PRKN: variants seen among roughly 807,000 people sequenced by gnomAD.
The protein encoded by PRKN is E3 ubiquitin-protein ligase parkin.
Under a neutral mutation model 59.5 loss-of-function variants are expected in PRKN, and 56 were observed. The observed-to-expected ratio is 0.94, with a 90% confidence interval of 0.76 to 1.18. The LOEUF is 1.18. PRKN is among the 50% of genes most tolerant of loss of function. The pLI, the probability that PRKN is intolerant of heterozygous loss-of-function variation, is 0.00. For missense variants in PRKN, 657 were observed against 596.4 expected (o/e 1.10, Z -1.06); for synonymous variants, 250 against 222.1 (o/e 1.13, Z -1.12).
intron 1 of PRKN, among the ~76,000 whole-genome samples, chr6:162,586,845 T>C (rs1446848636): frequency 6.6e-6 from 1 of 152,170 alleles, no homozygotes; most frequent in Non-Finnish European, 1.5e-5. Flanking sequence ...AGACACTTGT[T>C]CTTGATTATT....
At chr6:162,407,276 AG>A (rs1788119732) in intron 2 of PRKN, among the ~76,000 whole-genome samples, 1 of 152,208 alleles carries the variant, frequency 6.6e-6, no homozygotes, top group Admixed American at 6.5e-5. Context: ...AACATTGTCC[AG>A]GGAAACTGTT....
chr6:162,543,234 A>C (rs916393263), intron 1 of PRKN, among the ~76,000 whole-genome samples: 8 of 152,162 alleles, frequency 5.3e-5, no homozygotes, highest in Admixed American at 3.3e-4. Context: ...TGAGATTGAC[A>C]TATTAAGCCA....
Position 162,606,720 on chromosome 6 carries a change from G to C in PRKN, c.7+120942C>G, listed in dbSNP as rs957391485. Among the ~76,000 whole-genome samples, 58 of 151,982 alleles carry C rather than the reference G, an allele frequency of 3.8e-4. 3 individuals are homozygous for C. The highest frequency in any genetic ancestry group is 2.9e-5 in the Non-Finnish European group (2 of 67,954). On this transcript the variant is annotated intron_variant, in intron 1 of 11. Transcript: ENST00000366898. ...CCCAGGTGAACAGTTGAGCAGTATA[G>C]TTATTTATTATTTTTTGAGACAGTC...
At chr6:161,432,466 G>A (rs943861719) in intron 9 of PRKN, among the ~76,000 whole-genome samples, 5 of 147,464 alleles carry the variant, frequency 3.4e-5, no homozygotes, top group Admixed American at 6.8e-5. Flanking sequence ...GGGTTCAAGC[G>A]ATTCTCCTGC....
chr6:161,736,603 T>C (rs531855186), intron 7 of PRKN, among the ~76,000 whole-genome samples: 2 of 152,222 alleles, frequency 1.3e-5, no homozygotes, highest in East Asian at 1.9e-4. Flanking sequence ...TCAACCAGGA[T>C]TGTTGGAAGG....
chr6:162,404,581 T>A (rs765051190), intron 2 of PRKN, among the ~76,000 whole-genome samples: 6 of 151,894 alleles, frequency 4.0e-5, no homozygotes, highest in Non-Finnish European at 8.8e-5. Flanking sequence ...TTTGTTTGTT[T>A]CACTCTTGTT....
chr6:161,713,740 G>A (rs1293662418), intron 7 of PRKN, among the ~76,000 whole-genome samples: 8 of 152,138 alleles, frequency 5.3e-5, no homozygotes, highest in East Asian at 1.9e-4. Flanking sequence ...TTGTAACACC[G>A]TGGTATGGTT....
chr6:162,029,630 T>C (rs1783564778), intron 5 of PRKN, among the ~76,000 whole-genome samples: 4 of 152,344 alleles, frequency 2.6e-5, no homozygotes, highest in Middle Eastern at 3.4e-3. Context: ...TGCTGGGATT[T>C]TGCCTCATCC....
intron 2 of PRKN, among the ~76,000 whole-genome samples, chr6:162,307,401 A>T (rs1020648550): frequency 6.8e-5 from 9 of 132,698 alleles, no homozygotes; most frequent in South Asian, 2.4e-4. Context: ...CCGTCTCAAT[A>T]AAAAAAAAAA....
chr6:162,338,554 C>T (rs1454574588), intron 2 of PRKN, among the ~76,000 whole-genome samples: 1 of 152,208 alleles, frequency 6.6e-6, no homozygotes, highest in South Asian at 2.1e-4. Context: ...TCACTCAGTG[C>T]TCAATGGTGC....
intron 7 of PRKN, among the ~76,000 whole-genome samples, chr6:161,701,768 T>A (rs1003185822): frequency 3.9e-5 from 6 of 152,206 alleles, no homozygotes; most frequent in Non-Finnish European, 7.3e-5. Context: ...TAGAAATTAG[T>A]ATTTCAAGAG....
At chr6:162,688,726 C>T (rs1462983069) in intron 1 of PRKN, among the ~76,000 whole-genome samples, 5 of 152,162 alleles carry the variant, frequency 3.3e-5, no homozygotes, top group African/African-American at 7.2e-5. Flanking sequence ...AAAACAATTG[C>T]TTCTCCAGTA....
intron 6 of PRKN, among the ~76,000 whole-genome samples, chr6:161,962,803 G>T (rs918712387): frequency 6.6e-6 from 1 of 151,762 alleles, no homozygotes; most frequent in African/African-American, 2.4e-5. Flanking sequence ...CCAAAGTGCT[G>T]GGATTACAGG....
At chr6:162,081,698 A>G (rs1011639261) in intron 4 of PRKN, among the ~76,000 whole-genome samples, 1 of 152,090 alleles carries the variant, frequency 6.6e-6, no homozygotes, top group African/African-American at 2.4e-5. Flanking sequence ...ACTTAAAGTC[A>G]CCCACTGCAT....
chr6:162,720,438 C>CTTTTTTT (rs148313968), intron 1 of PRKN, among the ~76,000 whole-genome samples: 1 of 90,106 alleles, frequency 1.1e-5, no homozygotes, highest in Admixed American at 1.3e-4. Flanking sequence ...CATAGATGGT[C>CTTTTTTT]TTTTTTTTTT....
At position 161,552,477 on chromosome 6, in the gene PRKN, A is replaced by T. The variant is rs1780062410; in HGVS notation, c.934-3474T>A. 1.4e-5 allele frequency among the ~76,000 whole-genome samples: 2 copies of T among 143,122 alleles called. No homozygotes were observed. Among genetic ancestry groups the T allele is most frequent in the African/African-American group, 5.3e-5 (2 of 37,700 alleles). The allele number at this position is 143,122 out of a possible 152,430, so 93.9% of individuals were successfully genotyped here. On this transcript the variant is annotated intron_variant, in intron 8 of 11. Coordinates refer to ENST00000366898, the MANE Select transcript of PRKN (RefSeq NM_004562.3). This position sits in a 1 kb window ranked among gnomAD's most constrained non-coding sequence, Gnocchi z 4.9. ...TCACCTCCGCCTATGACTGTGAATG[A>T]TCTCACGGTGATCCTCCAAGCCCCT...
At chr6:161,725,474 T>C (rs879902255) in intron 7 of PRKN, among the ~76,000 whole-genome samples, 10 of 152,204 alleles carry the variant, frequency 6.6e-5, no homozygotes, top group African/African-American at 2.2e-4. Context: ...TCATGGATGA[T>C]AGATGCAGAA....
At chr6:161,436,684 C>T (rs763328927) in intron 9 of PRKN, among the ~76,000 whole-genome samples, 9 of 151,942 alleles carry the variant, frequency 5.9e-5, no homozygotes, top group Non-Finnish European at 8.8e-5. Flanking sequence ...TCATCCCTTC[C>T]GGGGGATGAC....
chr6:162,561,593 G>A (rs949050030), intron 1 of PRKN, among the ~76,000 whole-genome samples: 9 of 152,130 alleles, frequency 5.9e-5, no homozygotes, highest in Admixed American at 1.3e-4. Context: ...AAAAAAACCC[G>A]TCCTGAATCT....
Sources: allele counts gnomAD v4.1 joint callset (sites outside exome capture counted in the v4.1 genomes callset), GRCh38; gene constraint gnomAD v4.1.1; non-coding constraint Gnocchi (gnomAD v3.1); transcripts MANE v1.5; gene names NCBI Gene and HGNC (gene_info 2026-07-23, HGNC 2026-07-21).